The following TRIM77 variants were observed in gnomAD, a reference collection of about 807,000 sequenced individuals.
TRIM77 encodes the protein tripartite motif-containing protein 77.
Under a neutral mutation model 31.8 loss-of-function variants are expected in TRIM77, and 23 were observed. That is an observed-to-expected ratio of 0.72 (90% CI 0.52 to 1.02). The LOEUF is 1.02. Ranked by LOEUF, TRIM77 falls within the 50% of genes least tolerant of loss-of-function variation. The pLI, the probability that TRIM77 is intolerant of heterozygous loss-of-function variation, is 0.00. For missense variants in TRIM77, 446 were observed against 539.2 expected (o/e 0.83, Z 1.71); for synonymous variants, 159 against 183.1 (o/e 0.87, Z 1.06).
chr11:89,716,836 AT>A (rs1313535291), intron 5 of TRIM77, among the ~76,000 whole-genome samples: 2 of 142,210 alleles, frequency 1.4e-5, no homozygotes, highest in Non-Finnish European at 3.2e-5. Flanking sequence ...TATTTTTATT[AT>A]TTTTAGTATG....
At position 89,717,622 on chromosome 11, in the gene TRIM77, T is replaced by G. The variant is rs1949171337; in HGVS notation, c.1103T>G (p.Met368Arg). Residue 368 changes from methionine to arginine, a missense_variant, in exon 6 of 6, where the codon ATG (methionine) becomes AGG (arginine). Met to Arg is a moderately conservative substitution (Grantham distance 91). Transcript: ENST00000398290. ...CREAWTKRNDMRLDSEGIFLL... is the reference protein window; with the variant it reads ...CREAWTKRNDRRLDSEGIFLL... ...GAAGCCTGGACAAAGAGGAATGACA[T>G]GCGACTTGACTCTGAGGGTATCTTT... 2 of 1,551,266 alleles carry G rather than the reference T, an allele frequency of 1.3e-6. No individual in the cohort carries two copies. Among genetic ancestry groups the G allele is most frequent in the Non-Finnish European group, 1.7e-6 (2 of 1,146,776 alleles).
intron 2 of TRIM77, among the ~76,000 whole-genome samples, chr11:89,713,169 C>A (rs115172634): frequency 3.4e-5 from 5 of 149,242 alleles, no homozygotes; most frequent in African/African-American, 1.2e-4. Context: ...CTACTTAGGA[C>A]GCAGGCTGAG....
intron 5 of TRIM77, 25 bp downstream of exon 5, chr11:89,716,012 T>A: frequency 7.1e-7 from 1 of 1,416,790 alleles, no homozygotes; most frequent in Non-Finnish European, 9.6e-7. Context: ...TGCACTAATG[T>A]TTCCAACGTA....
intron 2 of TRIM77, among the ~76,000 whole-genome samples, chr11:89,713,208 A>G (rs765544062): frequency 7.4e-5 from 11 of 148,092 alleles, no homozygotes; most frequent in Non-Finnish European, 1.3e-4. Flanking sequence ...CCCGGGAGGC[A>G]GAGGTTGCAG....
chr11:89,712,757 A>G (rs1949130963), intron 2 of TRIM77, among the ~76,000 whole-genome samples: 1 of 152,224 alleles, frequency 6.6e-6, no homozygotes, highest in South Asian at 2.1e-4. Flanking sequence ...TGTTTGGTTC[A>G]GGAAAGAGTA....
intron 5 of TRIM77, among the ~76,000 whole-genome samples, chr11:89,717,163 T>A (rs891596153): frequency 1.3e-5 from 2 of 152,134 alleles, no homozygotes; most frequent in African/African-American, 4.8e-5. Flanking sequence ...GAGAGCAAAT[T>A]GTTAAATGTT....
chr11:89,710,352 C>T lies in TRIM77; in HGVS notation c.54C>T (p.Cys18=). Residue 18 remains cysteine, a synonymous_variant, in exon 1 of 6, where the codon TGC becomes TGT. Transcript: ENST00000398290. The part of the protein sequence containing the change: ...CSTSELTCSI[C]TDYLTDPVTI... ...CCAGTGAGCTCACCTGCTCGATCTG[C>T]ACAGACTATTTGACAGACCCTGTCA... 1 of 1,551,696 alleles carries T rather than the reference C, an allele frequency of 6.4e-7. No homozygotes were observed. The highest frequency in any genetic ancestry group is 8.7e-7 in the Non-Finnish European group (1 of 1,146,698).
rs1300093222 is a variant in TRIM77, at chr11:89,715,156, A to G, written c.739-2A>G. 7.7e-6 allele frequency: 12 copies of G among 1,551,346 alleles called. No individual in the cohort carries two copies. The highest frequency in any genetic ancestry group is 1.7e-4 in the Middle Eastern group (1 of 6,016). ...ACTAAGCAATCCTCTCTCTCTTTAT[A>G]GGATTTGGGAGACGTAATGAAAAGG... On this transcript the variant is annotated splice_acceptor_variant, in intron 3 of 5. Coordinates refer to ENST00000398290, the MANE Select transcript of TRIM77 (RefSeq NM_001146162.1). LOFTEE classifies it high-confidence loss of function.
chr11:89,714,473 G>T, intron 3 of TRIM77, 51 bp downstream of exon 3: 1 of 1,196,754 alleles, frequency 8.4e-7, no homozygotes, highest in Non-Finnish European at 1.2e-6. Flanking sequence ...CTTGGGAATC[G>T]TATCTGCTAG....
chr11:89,711,531 G>C (rs759977495), intron 2 of TRIM77, 26 bp downstream of exon 2: 1 of 1,311,634 alleles, frequency 7.6e-7, no homozygotes, highest in South Asian at 1.4e-5. Flanking sequence ...ATTTCTCTCA[G>C]AACCAGTTTG....
chr11:89,712,189 A>G (rs1354095148), intron 2 of TRIM77, among the ~76,000 whole-genome samples: 1 of 152,188 alleles, frequency 6.6e-6, no homozygotes, highest in East Asian at 1.9e-4. Context: ...TCTGAAGGGG[A>G]CATATAAACA....
At chr11:89,717,243 C>T (rs1433605337) in intron 5 of TRIM77, 136 bp from the exon 6 acceptor site, 8 of 813,908 alleles carry the variant, frequency 9.8e-6, no homozygotes, top group Non-Finnish European at 1.5e-5. Flanking sequence ...GGAAATATTC[C>T]TAATAAACAA....
chr11:89,717,126 T>A (rs373183052), intron 5 of TRIM77, among the ~76,000 whole-genome samples: 1 of 152,176 alleles, frequency 6.6e-6, no homozygotes, highest in Admixed American at 6.5e-5. Flanking sequence ...TAGAGTGGTA[T>A]GCCGGACCCA....
chr11:89,711,257 T>C (rs935570155), intron 1 of TRIM77, among the ~76,000 whole-genome samples, 153 bp from the exon 2 acceptor site: 5 of 152,222 alleles, frequency 3.3e-5, no homozygotes, highest in African/African-American at 1.2e-4. Context: ...TTCATTGACC[T>C]CTCGGACTTG....
chr11:89,715,081 C>A, intron 3 of TRIM77, 77 bp from the exon 4 acceptor site: 5 of 1,426,134 alleles, frequency 3.5e-6, no homozygotes, highest in Non-Finnish European at 1.9e-6. Context: ...CAGTCCATAT[C>A]CTCAGACTGC....
intron 5 of TRIM77, among the ~76,000 whole-genome samples, chr11:89,716,672 G>C (rs1177264814): frequency 1.3e-5 from 2 of 152,076 alleles, no homozygotes; most frequent in Non-Finnish European, 2.9e-5. Context: ...TAGATTTTCA[G>C]TTTATTTCAC....
At chr11:89,712,537 C>T (rs933176232) in intron 2 of TRIM77, among the ~76,000 whole-genome samples, 14 of 152,076 alleles carry the variant, frequency 9.2e-5, no homozygotes, top group African/African-American at 3.1e-4. Context: ...AGAATCTATG[C>T]TGGCCAAGAA....
intron 3 of TRIM77, among the ~76,000 whole-genome samples, chr11:89,714,676 C>A (rs1243571337): frequency 6.6e-6 from 1 of 152,164 alleles, no homozygotes; most frequent in Non-Finnish European, 1.5e-5. Flanking sequence ...CTAAAATTAT[C>A]TTACTACACC....
rs1249234025 is a variant in TRIM77 at position 89,710,617 on chromosome 11, G to A, written c.319G>A (p.Asp107Asn). ...AATCAAGAACCTCATCTGTGAAACT[G>A]ATAGGAGCCTGCTGTGTTTTCTATG... is the stretch of plus-strand genomic sequence containing the variant. The part of the protein sequence containing the change: ...QEIKNLICET[D>N]RSLLCFLCSQ... Residue 107 changes from aspartate (D) to asparagine (N), a missense_variant, in exon 1 of 6, where the codon GAT (aspartate) becomes AAT (asparagine). By Grantham distance (23) the Asp-to-Asn change is conservative (BLOSUM62 1). This residue lies in a region of TRIM77 where 366 missense variants were observed against 447.9 expected (regional missense o/e 0.82). Transcript: ENST00000398290. The A allele has an allele frequency of 1.3e-6, 2 of 1,551,298 alleles. No homozygotes were observed. The highest frequency in any genetic ancestry group is 2.7e-5 in the African/African-American group (2 of 73,016).
Sources: gnomAD v4.1 joint callset for allele counts (sites outside exome capture counted in the v4.1 genomes callset) on GRCh38, gnomAD v4.1.1 for gene constraint, gnomAD v4.1.1 regional missense constraint, MANE v1.5 for transcripts, NCBI Gene and HGNC (gene_info 2026-07-23, HGNC 2026-07-21) for gene names.